The following MAP7D3 variants were observed in gnomAD, a reference collection of about 807,000 sequenced individuals.
MAP7D3 encodes MAP7 domain-containing protein 3.
Under a neutral mutation model 62.2 loss-of-function variants are expected in MAP7D3, and 45 were observed. The observed-to-expected ratio is 0.72, with a 90% CI of 0.57 to 0.93. The LOEUF (loss-of-function observed/expected upper bound fraction) is 0.93. MAP7D3 is among the 40% of genes least tolerant of loss of function. The pLI, the probability that MAP7D3 is intolerant of heterozygous loss-of-function variation, is 0.00. For synonymous variants in MAP7D3, 288 were observed against 248.8 expected (o/e 1.16, Z -1.48); for missense variants, 711 against 683.1 (o/e 1.04, Z -0.45).
Position 136,231,926 on chromosome X carries a change from T to C in MAP7D3, c.1031A>G (p.Asp344Gly), listed in dbSNP as rs887874222. 31 of 1,209,526 alleles carry C rather than the reference T, an allele frequency of 2.6e-5. No homozygotes were observed. The highest frequency in any genetic ancestry group is 3.4e-5 in the Non-Finnish European group (30 of 895,103). ...STDSFPVVSV[D>G]VSPVVSTYDS... is the part of the protein sequence containing the mutation. The stretch of plus-strand genomic sequence containing the variant: ...ATATGTGCTCACCACAGGCGACACG[T>C]CCACGCTCACCACAGGGAATGAGTC... The change falls in exon 8 of 19, where the codon GAC becomes GGC. Residue 344 changes from aspartate (D) to glycine (G), a missense_variant. Transcript: ENST00000316077.
At chrX:136,253,998 CTT>C (rs889269850), upstream of MAP7D3, among the ~76,000 whole-genome samples, 6 of 109,824 alleles carry the variant, frequency 5.5e-5, no homozygotes, top group African/African-American at 2.0e-4. Context: ...CAGAATGAGA[CTT>C]TGTCTCACGA....
In MAP7D3 at chrX:136,230,430, T is replaced by C. The variant is rs979755064; in HGVS notation, c.1705A>G (p.Thr569Ala). The change falls in exon 10 of 19, where the codon ACT (threonine) becomes GCT (alanine). Residue 569 changes from threonine (T) to alanine (A), a missense_variant. Transcript: ENST00000316077. ...TGGCTCAAAGCCTCACATCTGTTAG[T>C]GGTTTTAGAAACTGTTTCTTTTTTC... ...KKKKETVSKT[T>A]NRCEALSQRH... The C allele has an allele frequency of 1.7e-6, 2 of 1,205,957 alleles. No homozygotes were observed. The highest frequency in any genetic ancestry group is 1.8e-5 in the South Asian group (1 of 56,823).
At chrX:136,233,277 A>AT (rs5903913) in intron 7 of MAP7D3, among the ~76,000 whole-genome samples, 45,042 of 98,853 alleles carry the variant, frequency 0.46, 8,811 homozygotes, top group East Asian at 0.69. Context: ...TAAACGATTA[A>AT]TTTTTTTTTT....
chrX:136,244,826 T>A, intron 3 of MAP7D3, 31 bp from the exon 4 acceptor site: 1 of 1,097,133 alleles, frequency 9.1e-7, no homozygotes, highest in Non-Finnish European at 1.2e-6. Flanking sequence ...TTTCAAGGTG[T>A]AAGAGCCAAG....
intron 15 of MAP7D3, among the ~76,000 whole-genome samples, chrX:136,221,197 C>T (rs761602086): frequency 1.4e-4 from 16 of 111,694 alleles, no homozygotes; most frequent in Non-Finnish European, 2.6e-4. Flanking sequence ...CAAGAGGCTA[C>T]GTTTAAGGAA....
chrX:136,216,667 C>T (rs1034358660), downstream of MAP7D3: 1 of 111,549 alleles, frequency 9.0e-6, no homozygotes, highest in African/African-American at 3.3e-5. Flanking sequence ...GCCAAATCAC[C>T]AACTGGATGA....
chrX:136,222,354 T>A, intron 15 of MAP7D3, 39 bp downstream of exon 15: 2 of 1,051,863 alleles, frequency 1.9e-6, no homozygotes, highest in Non-Finnish European at 2.7e-6. Flanking sequence ...AGCCCCTGGA[T>A]ATGAACCTAA....
chrX:136,220,070 T>C (rs1173045161), intron 16 of MAP7D3, among the ~76,000 whole-genome samples: 2 of 112,396 alleles, frequency 1.8e-5, no homozygotes, highest in African/African-American at 6.5e-5. Flanking sequence ...CAGGTGAATG[T>C]CTTCTCAGGC....
At position 136,236,382 on chromosome X, in the gene MAP7D3, C is replaced by T. The variant is rs190180508; in HGVS notation, c.641-43G>A. 15 of 784,586 alleles carry T rather than the reference C, an allele frequency of 1.9e-5. No individual in the cohort carries two copies. In the East Asian group the frequency reaches 4.6e-4, roughly 24 times the overall value. 64.7% of individuals were successfully genotyped at this position (784,586 alleles called of 1,213,427 possible). ...AAGGAATATTAGTTTTCATAAACTA[C>T]TAATTATCTCAGGAGTGAGATACTC... On this transcript the variant is annotated intron_variant, in intron 6 of 18. Coordinates refer to ENST00000316077, the MANE Select transcript of MAP7D3 (RefSeq NM_024597.4).
chrX:136,225,623 G>A (rs901158068), intron 13 of MAP7D3, among the ~76,000 whole-genome samples: 3 of 111,988 alleles, frequency 2.7e-5, no homozygotes, highest in African/African-American at 6.5e-5. Flanking sequence ...TACCATGACT[G>A]GAGTCCTTCT....
upstream of MAP7D3, chrX:136,251,603 G>C (rs2074515390): frequency 1.3e-6 from 1 of 793,917 alleles, no homozygotes. Context: ...CCTATGTTCC[G>C]TGCTCTGCCC....
chrX:136,248,271 C>T (rs367638663), intron 1 of MAP7D3, among the ~76,000 whole-genome samples: 1 of 111,666 alleles, frequency 9.0e-6, no homozygotes, highest in Non-Finnish European at 1.9e-5. Flanking sequence ...AATAATGAAC[C>T]GAATCATATA....
chrX:136,234,222 C>A (rs756443421), intron 7 of MAP7D3, among the ~76,000 whole-genome samples: 134 of 109,570 alleles, frequency 1.2e-3, no homozygotes, highest in African/African-American at 4.1e-3. Context: ...ATGCATTAGT[C>A]CTTTCCATTA....
Position 136,230,557 on chromosome X carries a change from T to TA in MAP7D3, c.1577dup (p.Leu526PhefsTer16). On this transcript the variant is annotated frameshift_variant, in exon 10 of 19. Coordinates refer to ENST00000316077, the MANE Select transcript of MAP7D3 (RefSeq NM_024597.4). LOFTEE classifies it high-confidence loss of function. ...GTGGTGACTGTTTTGAAATAAGTGG[T>TA]AATGGTGATGGAGGGCAGTTCTTTT... 1 of 1,202,158 alleles carries TA rather than the reference T, an allele frequency of 8.3e-7. No homozygotes were observed. Among genetic ancestry groups the TA allele is most frequent in the Non-Finnish European group, 1.1e-6 (1 of 887,326 alleles).
intron 4 of MAP7D3, 129 bp downstream of exon 4, chrX:136,244,503 G>A: frequency 7.3e-6 from 4 of 549,550 alleles, no homozygotes; most frequent in Admixed American, 3.3e-5. Flanking sequence ...AAGAGGAAGC[G>A]AAGAAGAAAG....
downstream of MAP7D3, chrX:136,213,444 A>C (rs1292335249): frequency 2.7e-5 from 3 of 110,736 alleles, no homozygotes; most frequent in Admixed American, 9.6e-5. Flanking sequence ...CTGCTCTGCC[A>C]CTTTGTAGTC....
intron 5 of MAP7D3, among the ~76,000 whole-genome samples, chrX:136,240,713 G>A (rs952203473): frequency 1.8e-5 from 2 of 111,344 alleles, no homozygotes; most frequent in Admixed American, 9.6e-5. Context: ...GCTCGCCTTG[G>A]CCTCTCAAAG....
chrX:136,231,585 T>C lies in MAP7D3; in HGVS notation c.1372A>G (p.Met458Val), dbSNP rs769399621. Residue 458 changes from methionine (M) to valine (V), a missense_variant, in exon 8 of 19, where the codon ATG (methionine) becomes GTG (valine). Coordinates refer to ENST00000316077, the MANE Select transcript of MAP7D3 (RefSeq NM_024597.4). Reference sequence around the variant, plus strand: ...GCTTTTGCCTTGGGAGATGCTTCCATGCTTGCTTCAAGGGATGTCTTGGGG... The same window carrying C: ...GCTTTTGCCTTGGGAGATGCTTCCACGCTTGCTTCAAGGGATGTCTTGGGG... ...ASPKTSLEASMEASPKAKARD... is the reference protein window; with the variant it reads ...ASPKTSLEASVEASPKAKARD... 3.3e-6 allele frequency: 4 copies of C among 1,208,668 alleles called. No individual in the cohort carries two copies. The highest frequency in any genetic ancestry group is 2.2e-5 in the Admixed American group (1 of 45,652).
chrX:136,238,871 A>C (rs183564103), intron 6 of MAP7D3, among the ~76,000 whole-genome samples: 4 of 107,718 alleles, frequency 3.7e-5, no homozygotes, highest in African/African-American at 1.5e-4. Flanking sequence ...CTACTGCTAC[A>C]ATTAATTATA....
Sources: allele counts gnomAD v4.1 joint callset (sites outside exome capture counted in the v4.1 genomes callset), GRCh38; gene constraint gnomAD v4.1.1; transcripts MANE v1.5; gene names NCBI Gene and HGNC (gene_info 2026-07-23, HGNC 2026-07-21).